SPOCK2: variants seen among roughly 807,000 people sequenced by gnomAD.
The protein encoded by SPOCK2 is SPARC (osteonectin), cwcv and kazal like domains proteoglycan 2.
A neutral mutation model predicts 60.1 loss-of-function variants in SPOCK2; 39 were observed. That is an observed-to-expected ratio of 0.65 (90% CI 0.50 to 0.85). The LOEUF is 0.85. SPOCK2 is among the 40% of genes least tolerant of loss of function. The probability of loss-of-function intolerance (pLI) is 0.00; values close to 1 mark genes in which losing one functional copy is unlikely to be tolerated. For missense variants in SPOCK2, 523 were observed against 567.4 expected, an observed-to-expected ratio of 0.92 and a Z score of 0.80; for synonymous variants, 217 against 231.5, an observed-to-expected ratio of 0.94 and a Z score of 0.57.
At chr10:72,082,002 A>G (rs1564550872) in intron 1 of SPOCK2, among the ~76,000 whole-genome samples, 1 of 152,192 alleles carries the variant, frequency 6.6e-6, no homozygotes, top group Non-Finnish European at 1.5e-5. Flanking sequence ...ATGGGGTGGT[A>G]AGGTACACAA....
intron 9 of SPOCK2, among the ~76,000 whole-genome samples, chr10:72,063,593 C>T (rs1242621283): frequency 6.6e-6 from 1 of 152,256 alleles, no homozygotes; most frequent in South Asian, 2.1e-4. Flanking sequence ...CCGGGGCCCA[C>T]TTGCTTTCCT....
chr10:72,079,846 G>T (rs141697556), intron 1 of SPOCK2, among the ~76,000 whole-genome samples: 224 of 152,156 alleles, frequency 1.5e-3, no homozygotes, highest in Middle Eastern at 3.4e-3. Context: ...GGACTCAGGG[G>T]CCTGGGCTCC....
rs1840505906 is a variant in SPOCK2 at position 72,062,586 on chromosome 10, G to A, written c.*174C>T. ...ATGCATGCACACATGCACTCACACTGTCACCCGTCCCAGCCATCTGTGCCA... is the reference window on the plus strand; with the variant it reads ...ATGCATGCACACATGCACTCACACTATCACCCGTCCCAGCCATCTGTGCCA... On this transcript the variant is annotated 3_prime_UTR_variant, in exon 11 of 11. Transcript: ENST00000373109. The surrounding 1 kb of genome is among the most constrained non-coding windows in gnomAD (Gnocchi z 4.3). 3 of 1,268,894 alleles carry A rather than the reference G, an allele frequency of 2.4e-6. No individual in the cohort carries two copies. Among genetic ancestry groups the A allele is most frequent in the African/African-American group, 3.0e-5 (2 of 67,366 alleles). 78.6% of individuals were successfully genotyped at this position (1,268,894 alleles called of 1,614,324 possible).
rs531151895 is a variant in SPOCK2, at chr10:72,082,315, C to T, written c.189+5825G>A. On this transcript the variant is annotated intron_variant, in intron 1 of 10. Transcript: ENST00000373109. ...GAGGCTGGGCACAGTGGTATCTAAA[C>T]TGTGTATGCAGGCATAGGCCTGGGC... Among the ~76,000 whole-genome samples the T allele has an allele frequency of 1.2e-3, 180 of 152,352 alleles. 1 individual carries two copies. Among genetic ancestry groups the T allele is most frequent in the African/African-American group, 4.2e-3 (175 of 41,582 alleles).
intron 1 of SPOCK2, among the ~76,000 whole-genome samples, chr10:72,074,499 C>G (rs1235501226): frequency 6.6e-6 from 1 of 152,244 alleles, no homozygotes. Flanking sequence ...CATTTATGCA[C>G]AGGTGGACAT....
rs541757070 is a variant in SPOCK2, at chr10:72,074,794, G to A, written c.190-1884C>T. On this transcript the variant is annotated intron_variant, in intron 1 of 10. Transcript: ENST00000373109. ...CTCCCTCTCTCTCCTTCTTCCTCTTGCTTTCACGTGCCTCCCCGTGTGTTC... is the reference window on the plus strand; with the variant it reads ...CTCCCTCTCTCTCCTTCTTCCTCTTACTTTCACGTGCCTCCCCGTGTGTTC... Among the ~76,000 whole-genome samples, 5 of 152,280 alleles carry A rather than the reference G, an allele frequency of 3.3e-5. No individual in the cohort carries two copies. In the South Asian group the frequency reaches 1.0e-3, roughly 32 times the overall value.
At chr10:72,063,985 G>A (rs1002050083) in intron 9 of SPOCK2, among the ~76,000 whole-genome samples, 193 bp downstream of exon 9, 1 of 152,208 alleles carries the variant, frequency 6.6e-6, no homozygotes, top group African/African-American at 2.4e-5. Context: ...CTTTTCCCGG[G>A]GCAGATTGGG....
rs374426967 is a variant in SPOCK2, at chr10:72,087,203, G to A, written c.189+937C>T. Among the ~76,000 whole-genome samples, 33 of 151,294 alleles carry A rather than the reference G, an allele frequency of 2.2e-4. 2 individuals are homozygous for A. In the East Asian group the frequency reaches 5.5e-3, roughly 25 times the overall value. The stretch of plus-strand genomic sequence containing the variant: ...CCCCAGCCCCCAACCCGGCCCGGCC[G>A]AGAGGAAGGAGCCAGCCCCGCCGGG... On this transcript the variant is annotated intron_variant, in intron 1 of 10. Transcript: ENST00000373109. The surrounding 1 kb of genome is among the most constrained non-coding windows in gnomAD (Gnocchi z 4.7).
Position 72,060,287 on chromosome 10 carries a change from AC to A in SPOCK2, c.*2472del, listed in dbSNP as rs1264769653. On this transcript the variant is annotated 3_prime_UTR_variant, in exon 11 of 11. Transcript: ENST00000373109. ...GGGCTTCGGAAACAGGCAAGGCTGG[AC>A]CCCTGCAATCCTACCAGAGGCTAGT... 6.6e-6 allele frequency: 1 copy of A among 152,356 alleles called. No individual in the cohort carries two copies. Among genetic ancestry groups the A allele is most frequent in the African/African-American group, 2.4e-5 (1 of 41,414 alleles). The allele number at this position is 152,356 out of a possible 1,614,324, so 9.4% of individuals were successfully genotyped here. A position where few individuals can be genotyped will look rare whatever the true frequency, so the allele number is the denominator to read the frequency against.
rs1840807008 is a variant in SPOCK2 at position 72,082,991 on chromosome 10, T to A, written c.189+5149A>T. 2.0e-5 allele frequency among the ~76,000 whole-genome samples: 3 copies of A among 152,202 alleles called. No individual in the cohort carries two copies. The South Asian group carries it at 6.2e-4, about 31-fold the overall frequency. ...GCCAGCGTCCTGATCTTAGACTTCC[T>A]GGCCTCCAGAACTGTGAGGACAAAA... On this transcript the variant is annotated intron_variant, in intron 1 of 10. Transcript: ENST00000373109.
At chr10:72,064,800 G>C (rs1447029065) in intron 8 of SPOCK2, among the ~76,000 whole-genome samples, 1 of 151,734 alleles carries the variant, frequency 6.6e-6, no homozygotes. Flanking sequence ...GCGCGATCTC[G>C]GCTCACTGCA....
At chr10:72,072,102 AAC>A in intron 4 of SPOCK2, 40 bp downstream of exon 4, 1 of 1,434,214 alleles carries the variant, frequency 7.0e-7, no homozygotes, top group Non-Finnish European at 9.2e-7. Context: ...TTGCTCTTTG[AAC>A]ACACCCCCTC....
rs748689381 is a variant in SPOCK2, at chr10:72,070,802, GT to G, written c.360-377del. On this transcript the variant is annotated intron_variant, in intron 4 of 10. Coordinates refer to ENST00000373109, the MANE Select transcript of SPOCK2 (RefSeq NM_001244950.2). ...TCTGGGCCATACTTGGCCACCAAGTGTTTTTTTTTTTAATTGAGTTATTTAT... is the reference window on the plus strand; with the variant it reads ...TCTGGGCCATACTTGGCCACCAAGTGTTTTTTTTTTAATTGAGTTATTTAT... Among the ~76,000 whole-genome samples, 25 of 147,704 alleles carry G rather than the reference GT, an allele frequency of 1.7e-4. No homozygotes were observed. The East Asian group carries it at 2.0e-3, about 12-fold the overall frequency.
intron 9 of SPOCK2, 28 bp downstream of exon 9, chr10:72,064,146 TCCTC>T: frequency 6.2e-7 from 1 of 1,609,040 alleles, no homozygotes; most frequent in South Asian, 1.1e-5. Context: ...CGTCCCCACC[TCCTC>T]CTCTGAGAGC....
intron 1 of SPOCK2, among the ~76,000 whole-genome samples, chr10:72,082,853 C>CAAAA (rs770751183): frequency 4.1e-3 from 186 of 45,450 alleles, no homozygotes; most frequent in Non-Finnish European, 4.9e-3. Context: ...GACCCTGTCT[C>CAAAA]AAAAAAAAAA....
intron 1 of SPOCK2, among the ~76,000 whole-genome samples, chr10:72,085,496 A>G (rs748440805): frequency 2.0e-5 from 3 of 152,178 alleles, no homozygotes; most frequent in Non-Finnish European, 4.4e-5. Context: ...CAACTCCCCA[A>G]GTTTTCATGC....
chr10:72,070,191 G>A (rs1420466270), intron 5 of SPOCK2, 121 bp downstream of exon 5: 13 of 874,998 alleles, frequency 1.5e-5, no homozygotes, highest in Non-Finnish European at 5.2e-6. Context: ...CACTGACCTT[G>A]CCATCTGGCC....
Position 72,059,259 on chromosome 10 carries a change from C to G in SPOCK2, c.*3501G>C, listed in dbSNP as rs1022889678. The stretch of plus-strand genomic sequence containing the variant: ...ACTCTTGAGTGCCCATCAACGCACA[C>G]GCACACAGTCTAACACTTTGTTTTT... On this transcript the variant is annotated 3_prime_UTR_variant, in exon 11 of 11. Transcript: ENST00000373109. 4 of 152,616 alleles carry G rather than the reference C, an allele frequency of 2.6e-5. No homozygotes were observed. Among genetic ancestry groups the G allele is most frequent in the East Asian group, 1.9e-4 (1 of 5,200 alleles). The allele number at this position is 152,616 out of a possible 1,614,324, so 9.5% of individuals were successfully genotyped here.
Position 72,070,410 on chromosome 10 carries a change from C to T in SPOCK2, c.376G>A (p.Val126Met), listed in dbSNP as rs778902766. The change falls in exon 5 of 11, where the codon GTG becomes ATG. Residue 126 changes from valine (V) to methionine (M), a missense_variant. Transcript: ENST00000373109. ...GAGTCTTTGTTTCCATGGAGTTTCA[C>T]GGTCGGCTGCTTGATCCTACAGGAG... The part of the protein sequence containing the change: ...KLEHRIKQPT[V>M]KLHGNKDSIC... 1.1e-5 allele frequency: 18 copies of T among 1,613,988 alleles called. No homozygotes were observed. Among genetic ancestry groups the T allele is most frequent in the African/African-American group, 1.1e-4 (8 of 74,930 alleles).
Sources: gnomAD v4.1 joint callset for allele counts (sites outside exome capture counted in the v4.1 genomes callset) on GRCh38, gnomAD v4.1.1 for gene constraint, Gnocchi (gnomAD v3.1) non-coding constraint, MANE v1.5 for transcripts, NCBI Gene and HGNC (gene_info 2026-07-23, HGNC 2026-07-21) for gene names.